Variants in DOCK2 observed in about 807,000 individuals in gnomAD.
DOCK2 encodes the protein dedicator of cytokinesis protein 2.
A neutral mutation model predicts 248.9 loss-of-function variants in DOCK2; 87 were observed. The ratio of observed to expected loss-of-function variants is 0.35; its 90% CI spans 0.29 to 0.42. DOCK2 has a LOEUF of 0.42. Ranked by LOEUF, DOCK2 falls within the 10% of genes least tolerant of loss-of-function variation. The probability of loss-of-function intolerance (pLI) is 1.00; values close to 1 mark genes in which losing one functional copy is unlikely to be tolerated. For synonymous variants in DOCK2, 805 were observed against 821.6 expected, an observed-to-expected ratio of 0.98 and a Z score of 0.35; for missense variants, 1,747 against 2,300.2, an observed-to-expected ratio of 0.76 and a Z score of 4.92.
chr5:170,078,441 G>A (rs1369712896), intron 48 of DOCK2, among the ~76,000 whole-genome samples: 3 of 152,090 alleles, frequency 2.0e-5, no homozygotes, highest in Non-Finnish European at 2.9e-5. Flanking sequence ...CAATTCTAGG[G>A]GGCACCATTC....
At chr5:170,007,084 C>T (rs1247716356) in intron 30 of DOCK2, among the ~76,000 whole-genome samples, 2 of 152,162 alleles carry the variant, frequency 1.3e-5, no homozygotes, top group Non-Finnish European at 2.9e-5. Flanking sequence ...AACCGCAAAC[C>T]GATTTGAAAG....
chr5:169,898,637 A>C (rs1773751508), intron 27 of DOCK2, among the ~76,000 whole-genome samples: 1 of 152,170 alleles, frequency 6.6e-6, no homozygotes, highest in Non-Finnish European at 1.5e-5. Context: ...CTTATCTACT[A>C]TATCAGGGGT....
chr5:169,651,138 C>T (rs557614980), intron 1 of DOCK2, among the ~76,000 whole-genome samples: 61 of 152,330 alleles, frequency 4.0e-4, no homozygotes, highest in Non-Finnish European at 7.9e-4. Context: ...GGAATTCTGG[C>T]TTGGAGCTTC....
intron 27 of DOCK2, among the ~76,000 whole-genome samples, chr5:169,901,896 G>A (rs544219921): frequency 1.7e-4 from 26 of 152,254 alleles, no homozygotes; most frequent in African/African-American, 4.8e-4. Flanking sequence ...CATGGTGGCC[G>A]CCTTGCAAGA....
rs141563882 is a variant in DOCK2 at position 170,059,901 on chromosome 5, A to G, written c.4467+2235A>G. Among the ~76,000 whole-genome samples the G allele has an allele frequency of 2.2e-4, 34 of 152,350 alleles. 1 individual carries two copies. In the East Asian group the frequency reaches 6.6e-3, roughly 29 times the overall value. On this transcript the variant is annotated intron_variant, in intron 44 of 51. Transcript: ENST00000520908. ...ATAGATGGCATTGGGGAAACCTTCA[A>G]AAAGTTGGCCAGAGTGAATTTATCT...
intron 27 of DOCK2, among the ~76,000 whole-genome samples, chr5:169,877,496 A>G (rs1197662128): frequency 6.6e-6 from 1 of 152,186 alleles, no homozygotes; most frequent in Non-Finnish European, 1.5e-5. Context: ...AGGGATTGTG[A>G]TATCTTTATG....
At chr5:169,767,459 C>A (rs1035729077) in intron 25 of DOCK2, among the ~76,000 whole-genome samples, 1 of 152,124 alleles carries the variant, frequency 6.6e-6, no homozygotes, top group Non-Finnish European at 1.5e-5. Context: ...CTCTGAGCCT[C>A]GGGTTCCATG....
intron 2 of DOCK2, among the ~76,000 whole-genome samples, chr5:169,659,806 G>C (rs917787679): frequency 5.3e-5 from 8 of 152,126 alleles, no homozygotes; most frequent in African/African-American, 1.9e-4. Flanking sequence ...GTATTGAGCA[G>C]TAGGAATTCA....
chr5:169,872,808 G>T (rs1772069074), intron 27 of DOCK2, among the ~76,000 whole-genome samples: 1 of 152,214 alleles, frequency 6.6e-6, no homozygotes, highest in Non-Finnish European at 1.5e-5. Flanking sequence ...GGCTCCCTGG[G>T]ATCTTGGGCA....
chr5:169,906,165 C>T (rs774277193), intron 27 of DOCK2, among the ~76,000 whole-genome samples: 15 of 152,334 alleles, frequency 9.8e-5, no homozygotes, highest in Non-Finnish European at 2.2e-4. Context: ...TGAGCGATTA[C>T]TACATGCCAG....
At chr5:169,796,375 G>A (rs565234229) in intron 25 of DOCK2, among the ~76,000 whole-genome samples, 3 of 152,294 alleles carry the variant, frequency 2.0e-5, no homozygotes, top group African/African-American at 7.2e-5. Flanking sequence ...GAGTTTCATG[G>A]AGGAGAGGGG....
chr5:169,995,409 G>A (rs775676887), intron 29 of DOCK2, among the ~76,000 whole-genome samples: 10 of 152,148 alleles, frequency 6.6e-5, no homozygotes, highest in Non-Finnish European at 1.5e-4. Context: ...ACAGAAGAGT[G>A]ATCACTGGAG....
intron 22 of DOCK2, among the ~76,000 whole-genome samples, chr5:169,719,361 A>G (rs1334920485): frequency 6.6e-6 from 1 of 152,208 alleles, no homozygotes; most frequent in Non-Finnish European, 1.5e-5. Context: ...TAGAAGAACA[A>G]TTCATGTTCA....
chr5:169,899,581 C>A (rs1773805058), intron 27 of DOCK2, among the ~76,000 whole-genome samples: 1 of 152,198 alleles, frequency 6.6e-6, no homozygotes. Context: ...GCTGCTTGGG[C>A]ACTCAGGTTT....
At chr5:169,937,595 T>G (rs1281252889) in intron 27 of DOCK2, among the ~76,000 whole-genome samples, 2 of 152,154 alleles carry the variant, frequency 1.3e-5, no homozygotes, top group Non-Finnish European at 2.9e-5. Flanking sequence ...GTTCTTTATC[T>G]ATATTAACTT....
At chr5:169,706,590 A>G (rs544231356) in intron 14 of DOCK2, among the ~76,000 whole-genome samples, 2 of 152,336 alleles carry the variant, frequency 1.3e-5, no homozygotes, top group South Asian at 4.1e-4. Context: ...ATGGTTAGAA[A>G]GACTTTGGAA....
At chr5:169,674,484 C>T in intron 6 of DOCK2, 39 bp downstream of exon 6, 4 of 1,608,180 alleles carry the variant, frequency 2.5e-6, no homozygotes, top group Middle Eastern at 3.3e-4. Flanking sequence ...TTTCTTCCCC[C>T]AGCCATCCTC....
intron 29 of DOCK2, among the ~76,000 whole-genome samples, chr5:169,993,899 G>A (rs190319189): frequency 6.6e-6 from 1 of 151,442 alleles, no homozygotes; most frequent in Non-Finnish European, 1.5e-5. Context: ...CAACCTTCTT[G>A]TTCCCTGGGA....
chr5:169,720,878 G>A (rs1048638517), intron 22 of DOCK2, among the ~76,000 whole-genome samples: 2 of 152,024 alleles, frequency 1.3e-5, no homozygotes, highest in African/African-American at 4.8e-5. Flanking sequence ...TTACAGGCAC[G>A]CATCACCACA....
Sources: allele counts gnomAD v4.1 joint callset (sites outside exome capture counted in the v4.1 genomes callset), GRCh38; gene constraint gnomAD v4.1.1; transcripts MANE v1.5; gene names NCBI Gene and HGNC (gene_info 2026-07-23, HGNC 2026-07-21).